DNM3: variants seen among roughly 807,000 people sequenced by gnomAD.
The protein encoded by DNM3 is dynamin-3.
A neutral mutation model predicts 101.6 loss-of-function variants in DNM3; 47 were observed. That is an observed-to-expected ratio of 0.46 (90% confidence interval 0.37 to 0.59). DNM3 has a LOEUF of 0.59. Ranked by LOEUF, DNM3 falls within the 20% of genes least tolerant of loss-of-function variation. The probability of loss-of-function intolerance (pLI) is 0.00; values close to 1 mark genes in which losing one functional copy is unlikely to be tolerated. For synonymous variants in DNM3, 385 were observed against 387.9 expected, an observed-to-expected ratio of 0.99 and a Z score of 0.09; for missense variants, 849 against 1,085.7, an observed-to-expected ratio of 0.78 and a Z score of 3.06.
intron 20 of DNM3, among the ~76,000 whole-genome samples, chr1:172,391,503 T>G (rs2069527965): frequency 6.6e-6 from 1 of 151,944 alleles, no homozygotes; most frequent in African/African-American, 2.4e-5. Flanking sequence ...GGGTTTAAGA[T>G]TTCAAAAAAA....
chr1:172,308,034 T>A (rs900424380), intron 15 of DNM3, among the ~76,000 whole-genome samples: 20 of 151,818 alleles, frequency 1.3e-4, no homozygotes, highest in Admixed American at 5.3e-4. Context: ...AATAAAAATC[T>A]TAAATAAAAA....
chr1:171,998,173 G>T (rs2046126263), intron 4 of DNM3, among the ~76,000 whole-genome samples: 1 of 151,978 alleles, frequency 6.6e-6, no homozygotes, highest in African/African-American at 2.4e-5. Flanking sequence ...TCTGTTATAA[G>T]CACTTTATTC....
intron 2 of DNM3, among the ~76,000 whole-genome samples, chr1:171,964,721 A>G (rs1175845223): frequency 6.6e-6 from 1 of 152,184 alleles, no homozygotes; most frequent in Non-Finnish European, 1.5e-5. Context: ...CCAAATAATT[A>G]AAAACTATAC....
chr1:171,982,222 C>A (rs531802705), intron 2 of DNM3, among the ~76,000 whole-genome samples: 4 of 152,252 alleles, frequency 2.6e-5, no homozygotes, highest in African/African-American at 9.6e-5. Flanking sequence ...CCATAGTATA[C>A]TATAGTAGAA....
intron 2 of DNM3, among the ~76,000 whole-genome samples, chr1:171,958,866 A>G (rs1221072317): frequency 1.3e-5 from 2 of 152,198 alleles, no homozygotes; most frequent in East Asian, 3.8e-4. Flanking sequence ...AATGTTGCAA[A>G]TCATATTTCT....
chr1:172,284,833 A>G (rs929572400), intron 15 of DNM3, among the ~76,000 whole-genome samples: 1 of 152,188 alleles, frequency 6.6e-6, no homozygotes, highest in African/African-American at 2.4e-5. Context: ...ACCACCTCTG[A>G]GGACAATAAA....
At chr1:172,297,622 A>G (rs1035314296) in intron 15 of DNM3, among the ~76,000 whole-genome samples, 4 of 152,176 alleles carry the variant, frequency 2.6e-5, no homozygotes, top group Non-Finnish European at 5.9e-5. Flanking sequence ...ATTTAAGGTT[A>G]TACATTTTCC....
chr1:171,895,222 A>T (rs546307209), intron 1 of DNM3, among the ~76,000 whole-genome samples: 25 of 152,354 alleles, frequency 1.6e-4, no homozygotes, highest in African/African-American at 5.3e-4. Flanking sequence ...ACTGTCTTCC[A>T]CAGTGGTTGA....
chr1:172,060,293 T>G (rs1208810901), intron 10 of DNM3, among the ~76,000 whole-genome samples: 1 of 117,592 alleles, frequency 8.5e-6, no homozygotes, highest in Non-Finnish European at 1.7e-5. Context: ...ACAGATTCAA[T>G]GCCATCCCCA....
intron 2 of DNM3, among the ~76,000 whole-genome samples, chr1:171,945,926 A>AT (rs1470031458): frequency 1.3e-5 from 2 of 152,206 alleles, no homozygotes; most frequent in Non-Finnish European, 2.9e-5. Context: ...ACGGTAAGGC[A>AT]GTTTAGCATG....
intron 1 of DNM3, among the ~76,000 whole-genome samples, chr1:171,917,280 C>CA (rs76571129): frequency 0.34 from 51,862 of 151,862 alleles, 9,182 homozygotes; most frequent in East Asian, 0.5. Context: ...TATTTGCTGC[C>CA]GGGGGGAATT....
rs146110327 is a variant in DNM3 at position 172,009,956 on chromosome 1, G to C, written c.589+20808G>C. On this transcript the variant is annotated intron_variant, in intron 4 of 20. Coordinates refer to ENST00000627582, the MANE Select transcript of DNM3 (RefSeq NM_015569.5). ...GAATGTTATATCCTTAACTATATTT[G>C]TGAATTTATTCACTTCTTCCTTCAG... 4.6e-3 allele frequency among the ~76,000 whole-genome samples: 704 copies of C among 151,634 alleles called. 7 individuals carry two copies. The highest frequency in any genetic ancestry group is 0.016 in the African/African-American group (671 of 41,426).
intron 4 of DNM3, among the ~76,000 whole-genome samples, chr1:172,028,606 T>TA (rs2048376978): frequency 2.0e-5 from 3 of 151,930 alleles, no homozygotes; most frequent in Non-Finnish European, 4.4e-5. Flanking sequence ...GAAAACCCCT[T>TA]CAAAAAATCA....
At chr1:172,238,276 T>A (rs2061616501) in intron 14 of DNM3, among the ~76,000 whole-genome samples, 3 of 152,150 alleles carry the variant, frequency 2.0e-5, no homozygotes, top group African/African-American at 7.2e-5. Flanking sequence ...CTACACTTCC[T>A]GGTTTAAGGC....
chr1:172,124,625 G>A (rs1454607165), intron 13 of DNM3, among the ~76,000 whole-genome samples: 1 of 152,170 alleles, frequency 6.6e-6, no homozygotes, highest in Non-Finnish European at 1.5e-5. Context: ...AGTGAGTGGG[G>A]TGGGAGAGAC....
chr1:172,403,373 GT>G (rs1365823352), intron 20 of DNM3, among the ~76,000 whole-genome samples: 2 of 152,104 alleles, frequency 1.3e-5, no homozygotes, highest in African/African-American at 4.8e-5. Flanking sequence ...CACCAAAGCA[GT>G]TTGCCCTTAT....
chr1:171,990,416 T>G (rs2208371), intron 4 of DNM3, among the ~76,000 whole-genome samples: 39,130 of 152,024 alleles, frequency 0.26, 6,487 homozygotes, highest in African/African-American at 0.48. Flanking sequence ...TGTTAGGTTC[T>G]ATGAGTATTT....
At chr1:172,124,982 C>T (rs952543100) in intron 13 of DNM3, among the ~76,000 whole-genome samples, 3 of 152,182 alleles carry the variant, frequency 2.0e-5, no homozygotes, top group African/African-American at 7.2e-5. Context: ...CTGAGGATGC[C>T]TGTGCTCGCA....
intron 16 of DNM3, 116 bp from the exon 17 acceptor site, chr1:172,323,213 A>C: frequency 2.1e-6 from 2 of 937,378 alleles, no homozygotes; most frequent in Non-Finnish European, 3.0e-6. Context: ...AGCAAGAAAA[A>C]CCTCATTTTA....
Sources: allele counts gnomAD v4.1 joint callset (sites outside exome capture counted in the v4.1 genomes callset), GRCh38; gene constraint gnomAD v4.1.1; transcripts MANE v1.5; gene names NCBI Gene and HGNC (gene_info 2026-07-23, HGNC 2026-07-21).